Variants in LHFPL3 observed in about 807,000 individuals in gnomAD.
The protein encoded by LHFPL3 is LHFPL tetraspan subfamily member 3.
LHFPL3 carries 5 observed loss-of-function variants against 19.3 expected under a neutral mutation model. The observed-to-expected ratio is 0.26, with a 90% confidence interval of 0.14 to 0.54. LHFPL3 has a LOEUF of 0.54. Ranked by LOEUF, LHFPL3 falls within the 20% of genes least tolerant of loss-of-function variation. The pLI is 0.94. For synonymous variants in LHFPL3, 133 were observed against 126.2 expected (o/e 1.05, Z -0.36); for missense variants, 249 against 307.4 (o/e 0.81, Z 1.42).
At chr7:104,748,079 G>A (rs1217739628) in intron 2 of LHFPL3, among the ~76,000 whole-genome samples, 16 of 151,754 alleles carry the variant, frequency 1.1e-4, no homozygotes, top group Admixed American at 1.1e-3. Flanking sequence ...TCTGAAACAT[G>A]TGCTGTGTCA....
intron 2 of LHFPL3, among the ~76,000 whole-genome samples, chr7:104,892,987 C>T (rs1792282316): frequency 6.6e-6 from 1 of 151,970 alleles, no homozygotes; most frequent in South Asian, 2.1e-4. Flanking sequence ...AGGAGGATTG[C>T]TTGAGGCCAG....
intron 2 of LHFPL3, among the ~76,000 whole-genome samples, chr7:104,848,520 G>A (rs2116608468): frequency 6.6e-6 from 1 of 152,210 alleles, no homozygotes; most frequent in Non-Finnish European, 1.5e-5. Flanking sequence ...AGTTGGGGGT[G>A]GGTTTCAGGC....
At chr7:104,392,498 G>T (rs1180368127) in intron 1 of LHFPL3, among the ~76,000 whole-genome samples, 2 of 151,650 alleles carry the variant, frequency 1.3e-5, no homozygotes, top group South Asian at 2.1e-4. Flanking sequence ...TTATTGATTT[G>T]TGTATATTGA....
chr7:104,682,412 T>A (rs2116095611), intron 1 of LHFPL3, among the ~76,000 whole-genome samples: 1 of 152,292 alleles, frequency 6.6e-6, no homozygotes, highest in South Asian at 2.1e-4. Flanking sequence ...CCCAGGTGAC[T>A]CATAGACACG....
intron 1 of LHFPL3, among the ~76,000 whole-genome samples, chr7:104,439,686 A>G (rs1037469158): frequency 6.6e-6 from 1 of 152,128 alleles, no homozygotes; most frequent in African/African-American, 2.4e-5. Context: ...GAAAAAAGTG[A>G]ACTTACTCAA....
At chr7:104,678,647 T>C (rs769337058) in intron 1 of LHFPL3, among the ~76,000 whole-genome samples, 5 of 152,190 alleles carry the variant, frequency 3.3e-5, no homozygotes, top group Non-Finnish European at 5.9e-5. Flanking sequence ...GTAACTGTTA[T>C]ACTCTGATGG....
At chr7:104,792,518 C>T (rs761579270) in intron 2 of LHFPL3, among the ~76,000 whole-genome samples, 3 of 152,162 alleles carry the variant, frequency 2.0e-5, no homozygotes, top group Admixed American at 6.5e-5. Flanking sequence ...TACAGTTCCT[C>T]GAGACTGCTG....
chr7:104,842,947 A>G lies in LHFPL3; in HGVS notation c.683-63240A>G, dbSNP rs117712884. The stretch of plus-strand genomic sequence containing the variant: ...ATCCCTTCAAAAAGTTGTTGAACAG[A>G]TCAAGGTGTCTCTCTGTGCTCCAGA... On this transcript the variant is annotated intron_variant, in intron 2 of 2. Transcript: ENST00000424859. Among the ~76,000 whole-genome samples the G allele has an allele frequency of 2.6e-5, 4 of 152,364 alleles. No homozygotes were observed. In the East Asian group the frequency reaches 7.7e-4, roughly 29 times the overall value.
intron 2 of LHFPL3, among the ~76,000 whole-genome samples, chr7:104,857,349 A>C (rs1791528242): frequency 6.6e-6 from 1 of 152,130 alleles, no homozygotes; most frequent in Non-Finnish European, 1.5e-5. Flanking sequence ...ACATCCAACT[A>C]ATTTCTACTC....
chr7:104,822,439 A>G (rs1790692260), intron 2 of LHFPL3, among the ~76,000 whole-genome samples: 2 of 152,126 alleles, frequency 1.3e-5, no homozygotes, highest in Admixed American at 6.5e-5. Context: ...CCTCACCACT[A>G]TTGACATTAT....
At chr7:104,461,360 CATCTT>C (rs1051809836) in intron 1 of LHFPL3, among the ~76,000 whole-genome samples, 2 of 152,258 alleles carry the variant, frequency 1.3e-5, no homozygotes, top group Admixed American at 1.3e-4. Context: ...CCATATCATC[CATCTT>C]GAGTTTATTT....
chr7:104,596,516 A>T (rs1048955897), intron 1 of LHFPL3, among the ~76,000 whole-genome samples: 21 of 152,336 alleles, frequency 1.4e-4, no homozygotes, highest in African/African-American at 5.1e-4. Context: ...AGATAACAAC[A>T]ATTTTCCTGC....
At chr7:104,783,210 A>C (rs1789846389) in intron 2 of LHFPL3, among the ~76,000 whole-genome samples, 1 of 152,254 alleles carries the variant, frequency 6.6e-6, no homozygotes, top group South Asian at 2.1e-4. Flanking sequence ...TGGCTTAAAC[A>C]GCATTTCCTC....
chr7:104,593,022 TTG>T (rs1313624495), intron 1 of LHFPL3, among the ~76,000 whole-genome samples: 2 of 152,290 alleles, frequency 1.3e-5, no homozygotes. Context: ...GAAGGGTTTT[TTG>T]TGTCTCTATT....
chr7:104,796,517 T>A (rs1020567048), intron 2 of LHFPL3: 2 of 152,054 alleles, frequency 1.3e-5, no homozygotes, highest in African/African-American at 2.4e-5. Context: ...TTGAAGTAAA[T>A]CTATATTTTA....
At chr7:104,390,964 T>C (rs1280438735) in intron 1 of LHFPL3, among the ~76,000 whole-genome samples, 1 of 152,252 alleles carries the variant, frequency 6.6e-6, no homozygotes, top group Non-Finnish European at 1.5e-5. Flanking sequence ...ATGTGTCTGT[T>C]GGCTGCATAA....
chr7:104,876,345 C>T lies in LHFPL3; in HGVS notation c.683-29842C>T, dbSNP rs1791939036. Among the ~76,000 whole-genome samples, 5 of 152,236 alleles carry T rather than the reference C, an allele frequency of 3.3e-5. No homozygotes were observed. In the South Asian group the frequency reaches 1.0e-3, roughly 32 times the overall value. ...AACTACCATCAGAGTGAACAGGCAA[C>T]CTACAGAATGGGAGAAAATTTTTGC... is the stretch of plus-strand genomic sequence containing the variant. On this transcript the variant is annotated intron_variant, in intron 2 of 2. Transcript: ENST00000424859.
intron 1 of LHFPL3, among the ~76,000 whole-genome samples, chr7:104,663,814 A>G (rs1340469811): frequency 1.3e-5 from 2 of 152,204 alleles, no homozygotes; most frequent in Admixed American, 6.5e-5. Flanking sequence ...ATCCATGTAA[A>G]TGAGAGGTCT....
intron 1 of LHFPL3, among the ~76,000 whole-genome samples, chr7:104,468,491 T>G (rs1310940514): frequency 6.6e-6 from 1 of 152,098 alleles, no homozygotes; most frequent in African/African-American, 2.4e-5. Context: ...CATGGCTTTT[T>G]GGGGGTAAAA....
Sources: gnomAD v4.1 joint callset for allele counts (sites outside exome capture counted in the v4.1 genomes callset) on GRCh38, gnomAD v4.1.1 for gene constraint, MANE v1.5 for transcripts, NCBI Gene and HGNC (gene_info 2026-07-23, HGNC 2026-07-21) for gene names.